The following CCDC33 variants were observed in gnomAD, a reference collection of about 807,000 sequenced individuals.
CCDC33 encodes coiled-coil domain-containing protein 33.
Under a neutral mutation model 91.9 loss-of-function variants are expected in CCDC33, and 94 were observed. The ratio of observed to expected loss-of-function variants is 1.02; its 90% CI spans 0.87 to 1.21. The LOEUF (loss-of-function observed/expected upper bound fraction) is 1.21, where lower values mean the gene tolerates loss of function less well. Ranked by LOEUF, CCDC33 falls within the 50% of genes most tolerant of loss-of-function variation. The pLI, the probability that CCDC33 is intolerant of heterozygous loss-of-function variation, is 0.00. For synonymous variants in CCDC33, 396 were observed against 374.5 expected (o/e 1.06, Z -0.66); for missense variants, 940 against 935.5 (o/e 1.00, Z -0.06).
chr15:74,333,178 C>T (rs1173095700), intron 16 of CCDC33: 4 of 1,470,610 alleles, frequency 2.7e-6, no homozygotes, highest in Non-Finnish European at 3.7e-6. Flanking sequence ...CTGGAGCATT[C>T]CCTGGTCTTG....
Position 74,203,065 on chromosome 15 carries a change from A to G in CCDC33, n.56A>G, listed in dbSNP as rs1019073358. Reference sequence around the variant, plus strand: ...GCCCGCCACATCTGCAGTGCCGCACACAGACAGGAGACCAGCATTACAGCA... The same window carrying G: ...GCCCGCCACATCTGCAGTGCCGCACGCAGACAGGAGACCAGCATTACAGCA... On this transcript the variant is annotated non_coding_transcript_exon_variant, in exon 1 of 4. Coordinates refer to the CCDC33 transcript ENST00000558645. 5.1e-6 allele frequency: 5 copies of G among 985,528 alleles called. No individual in the cohort carries two copies. In the African/African-American group the frequency reaches 8.7e-5, roughly 17 times the overall value. 61.0% of individuals were successfully genotyped at this position (985,528 alleles called of 1,614,324 possible).
intron 11 of CCDC33, 83 bp from the exon 12 acceptor site, chr15:74,330,106 A>G: frequency 6.8e-7 from 1 of 1,468,118 alleles, no homozygotes; most frequent in African/African-American, 1.4e-5. Flanking sequence ...TGGGGGACCC[A>G]CTGACTTTCA....
Position 74,330,336 on chromosome 15 carries a change from A to G in CCDC33, c.1438A>G (p.Ser480Gly). 6.2e-7 allele frequency: 1 copy of G among 1,604,024 alleles called. No individual in the cohort carries two copies. Among genetic ancestry groups the G allele is most frequent in the Non-Finnish European group, 8.5e-7 (1 of 1,176,204 alleles). Residue 480 changes from serine (S) to glycine (G), a missense_variant, in exon 12 of 19, where the codon AGT becomes GGT. Coordinates refer to ENST00000398814, the MANE Select transcript of CCDC33 (RefSeq NM_025055.5). ...GGAGGAAGAGGGGCAGGGCAAAGCC[A>G]GTGAGGCCCAGAACACGGGTGAGGA... ...QEEEEGQGKASEAQNTVSMKQ... is the reference protein window; with the variant it reads ...QEEEEGQGKAGEAQNTVSMKQ...
rs117426548 is a variant in CCDC33 at position 74,329,087 on chromosome 15, G to T, written c.1291-1102G>T. Among the ~76,000 whole-genome samples, 101 of 152,224 alleles carry T rather than the reference G, an allele frequency of 6.6e-4. 1 individual carries two copies. In the East Asian group the frequency reaches 0.017, roughly 25 times the overall value. The stretch of plus-strand genomic sequence containing the variant: ...TGTTCAGATTTAAGAAACTCCCTTT[G>T]TGAAACTTTATAAATAACAGTAGGG... On this transcript the variant is annotated intron_variant, in intron 11 of 18. Transcript: ENST00000398814.
chr15:74,307,544 G>A (rs1469189204), intron 11 of CCDC33, among the ~76,000 whole-genome samples: 2 of 152,004 alleles, frequency 1.3e-5, no homozygotes, highest in Non-Finnish European at 2.9e-5. Context: ...CCTTGGCCGA[G>A]CCTGGTGACT....
At chr15:74,332,892 C>T in intron 16 of CCDC33, 47 bp downstream of exon 16, 1 of 1,590,752 alleles carries the variant, frequency 6.3e-7, no homozygotes, top group Non-Finnish European at 8.6e-7. Context: ...CACTGGGTGC[C>T]CAGAAATCAC....
intron 1 of CCDC33, chr15:74,207,701 G>A (rs991561672): frequency 1.3e-6 from 2 of 1,535,704 alleles, no homozygotes; most frequent in African/African-American, 1.4e-5. Flanking sequence ...GCCCACCTGT[G>A]CAGCCCAGTC....
intron 11 of CCDC33, among the ~76,000 whole-genome samples, chr15:74,325,974 A>G (rs943212389): frequency 6.6e-6 from 1 of 152,160 alleles, no homozygotes; most frequent in African/African-American, 2.4e-5. Context: ...TATACAATGA[A>G]AGTAGTCACA....
In CCDC33 at chr15:74,266,739, C is replaced by T. The variant is rs1471891017; in HGVS notation, c.381C>T (p.Pro127=). The part of the protein sequence containing the change: ...KKQELLSYKI[P]IKYLRVFHPY... ...AGGAGTTGTTGTCCTACAAAATCCC[C>T]ATCAAGTACCTGCGTGTCTTCCACC... is the stretch of plus-strand genomic sequence containing the variant. Residue 127 remains proline (P), a synonymous_variant, in exon 4 of 19, where the codon CCC becomes CCT. Transcript: ENST00000398814. The T allele has an allele frequency of 1.2e-6, 2 of 1,614,172 alleles. No individual in the cohort carries two copies. The highest frequency in any genetic ancestry group is 1.1e-5 in the South Asian group (1 of 91,078).
intron 1 of CCDC33, among the ~76,000 whole-genome samples, chr15:74,242,766 C>T (rs2075388239): frequency 6.6e-6 from 1 of 152,072 alleles, no homozygotes; most frequent in Admixed American, 6.5e-5. Flanking sequence ...CCACAGCAGC[C>T]TCATGGCCAC....
In CCDC33 at chr15:74,280,722, C is replaced by T. The variant is rs771474460; in HGVS notation, c.944C>T (p.Pro315Leu). 9 of 1,570,916 alleles carry T rather than the reference C, an allele frequency of 5.7e-6. No homozygotes were observed. In the East Asian group the frequency reaches 7.3e-5, roughly 13 times the overall value. ...CAGCCCCTGGGCATCTCTGTGTTGC[C>T]GCTAAAGAGCCGTTTGTACCAGAAG... ...LNQPLGISVLPLKSRLYQKML... is the reference protein window; with the variant it reads ...LNQPLGISVLLLKSRLYQKML... Residue 315 changes from proline to leucine, a missense_variant, in exon 9 of 19, where the codon CCG becomes CTG. Coordinates refer to ENST00000398814, the MANE Select transcript of CCDC33 (RefSeq NM_025055.5).
At chr15:74,269,076 A>G (rs1380188146) in intron 5 of CCDC33, among the ~76,000 whole-genome samples, 1 of 151,564 alleles carries the variant, frequency 6.6e-6, no homozygotes, top group Non-Finnish European at 1.5e-5. Flanking sequence ...CCCTTGACCC[A>G]TCACCATCCA....
chr15:74,269,145 G>A (rs970390862), intron 5 of CCDC33, among the ~76,000 whole-genome samples: 20 of 152,050 alleles, frequency 1.3e-4, no homozygotes, highest in African/African-American at 4.6e-4. Context: ...CAGACATGAT[G>A]CAGGGACCTG....
intron 10 of CCDC33, among the ~76,000 whole-genome samples, chr15:74,290,889 A>G (rs2142561766): frequency 6.6e-6 from 1 of 152,268 alleles, no homozygotes; most frequent in Non-Finnish European, 1.5e-5. Flanking sequence ...AACCCAAGGG[A>G]AAAAAATAAA....
intron 11 of CCDC33, among the ~76,000 whole-genome samples, chr15:74,315,967 C>T (rs562836587): frequency 4.6e-5 from 7 of 152,332 alleles, no homozygotes; most frequent in Non-Finnish European, 7.4e-5. Flanking sequence ...TCCCTCCCCA[C>T]TCCAGCCAGG....
Position 74,330,971 on chromosome 15 carries a change from C to T in CCDC33, c.1546-10C>T, listed in dbSNP as rs375631500. 209 of 1,576,516 alleles carry T rather than the reference C, an allele frequency of 1.3e-4. 1 individual carries two copies. The African/African-American group carries it at 2.4e-3, about 18-fold the overall frequency. ...CATTCTCTCCCCTTCTCTCCTCCCC[C>T]ATCTCACAGAAGAATGATCGAGAGA... On this transcript the variant is annotated splice_polypyrimidine_tract_variant and intron_variant, in intron 13 of 18. Coordinates refer to ENST00000398814, the MANE Select transcript of CCDC33 (RefSeq NM_025055.5).
intron 11 of CCDC33, among the ~76,000 whole-genome samples, chr15:74,298,929 T>C (rs1278960070): frequency 6.6e-6 from 1 of 152,028 alleles, no homozygotes; most frequent in Non-Finnish European, 1.5e-5. Flanking sequence ...GCCAGGATAG[T>C]CCCAAGCTCT....
At chr15:74,211,134 C>A (rs1016933967) in intron 2 of CCDC33, among the ~76,000 whole-genome samples, 2 of 127,556 alleles carry the variant, frequency 1.6e-5, no homozygotes, top group East Asian at 2.3e-4. Context: ...GATTCCCCCC[C>A]ACCACTACGC....
At chr15:74,205,218 T>C (rs997407835) in intron 1 of CCDC33, among the ~76,000 whole-genome samples, 1 of 151,992 alleles carries the variant, frequency 6.6e-6, no homozygotes, top group Non-Finnish European at 1.5e-5. Flanking sequence ...GAGGTACCAG[T>C]TGGGCACTGT....
Sources: gnomAD v4.1 joint callset for allele counts (sites outside exome capture counted in the v4.1 genomes callset) on GRCh38, gnomAD v4.1.1 for gene constraint, MANE v1.5 for transcripts, NCBI Gene and HGNC (gene_info 2026-07-23, HGNC 2026-07-21) for gene names.